PLCH1: variants seen among roughly 807,000 people sequenced by gnomAD.
PLCH1 encodes phospholipase C eta 1.
A neutral mutation model predicts 126.7 loss-of-function variants in PLCH1; 60 were observed. That is an observed-to-expected ratio of 0.47 (90% confidence interval 0.38 to 0.59). PLCH1 has a LOEUF of 0.59. Ranked by LOEUF, PLCH1 falls within the 20% of genes least tolerant of loss-of-function variation. The pLI is 0.00. For missense variants in PLCH1, 1,723 were observed against 2,040.0 expected (o/e 0.84, Z 2.99); for synonymous variants, 719 against 734.9 (o/e 0.98, Z 0.35).
chr3:155,454,013 T>G (rs2107966682), intron 21 of PLCH1, among the ~76,000 whole-genome samples: 1 of 152,026 alleles, frequency 6.6e-6, no homozygotes, highest in East Asian at 1.9e-4. Context: ...ATACAATAAT[T>G]AAATGGAAAG....
intron 8 of PLCH1, among the ~76,000 whole-genome samples, chr3:155,561,377 T>C (rs1727588527): frequency 6.6e-6 from 1 of 150,522 alleles, no homozygotes; most frequent in African/African-American, 2.4e-5. Flanking sequence ...AGTGAGAATA[T>C]GCGGAGTTTG....
chr3:155,554,579 G>T (rs537920146), intron 8 of PLCH1, among the ~76,000 whole-genome samples: 1 of 152,038 alleles, frequency 6.6e-6, no homozygotes, highest in Non-Finnish European at 1.5e-5. Context: ...GGTTATGAAG[G>T]TCTTTTAGAA....
At chr3:155,503,268 C>T (rs1207883201) in intron 13 of PLCH1, among the ~76,000 whole-genome samples, 1 of 152,124 alleles carries the variant, frequency 6.6e-6, no homozygotes, top group Non-Finnish European at 1.5e-5. Flanking sequence ...CTGATGTCTA[C>T]TCTATAGGGT....
At chr3:155,725,486 C>A (rs1447185488) in intron 1 of PLCH1, among the ~76,000 whole-genome samples, 1 of 144,624 alleles carries the variant, frequency 6.9e-6, no homozygotes, top group African/African-American at 2.6e-5. Flanking sequence ...CTCACTCTGT[C>A]CCCCAGGCTG....
intron 2 of PLCH1, among the ~76,000 whole-genome samples, chr3:155,634,043 A>G: frequency 6.6e-6 from 1 of 152,178 alleles, no homozygotes; most frequent in East Asian, 1.9e-4. Flanking sequence ...AACAGCATCA[A>G]TAACTAAGCC....
At chr3:155,469,166 G>A (rs548196863) in intron 21 of PLCH1, among the ~76,000 whole-genome samples, 13 of 152,292 alleles carry the variant, frequency 8.5e-5, no homozygotes, top group South Asian at 6.2e-4. Flanking sequence ...CTGAGGTACC[G>A]GGTTCATCTC....
intron 2 of PLCH1, among the ~76,000 whole-genome samples, chr3:155,605,614 C>T (rs1734257005): frequency 6.6e-6 from 1 of 152,174 alleles, no homozygotes; most frequent in Non-Finnish European, 1.5e-5. Flanking sequence ...CCCGAAAATG[C>T]CTGCTCTAGG....
chr3:155,532,266 A>C (rs1722800234), intron 10 of PLCH1, among the ~76,000 whole-genome samples: 1 of 152,242 alleles, frequency 6.6e-6, no homozygotes, highest in Non-Finnish European at 1.5e-5. Context: ...GAACTACTGC[A>C]GGAACATACC....
intron 21 of PLCH1, among the ~76,000 whole-genome samples, chr3:155,469,737 G>A (rs1297670391): frequency 6.6e-6 from 1 of 151,852 alleles, no homozygotes; most frequent in Non-Finnish European, 1.5e-5. Context: ...CTGAGAACGG[G>A]CAGACTGCCT....
chr3:155,564,914 C>T lies in PLCH1; in HGVS notation c.1069+1G>A. The T allele has an allele frequency of 5.6e-6, 9 of 1,609,832 alleles. No individual in the cohort carries two copies. Among genetic ancestry groups the T allele is most frequent in the Non-Finnish European group, 7.6e-6 (9 of 1,176,530 alleles). ...CCGGAGCTCAGAAAAAGTGCACGTA[C>T]CTTCCACACAGCGACAGCCCTCTTG... On this transcript the variant is annotated splice_donor_variant, in intron 8 of 22. Transcript: ENST00000460012. LOFTEE classifies it high-confidence loss of function.
chr3:155,708,448 G>T (rs1746851519), intron 1 of PLCH1, among the ~76,000 whole-genome samples: 1 of 152,138 alleles, frequency 6.6e-6, no homozygotes, highest in Non-Finnish European at 1.5e-5. Flanking sequence ...GGAAACTGAG[G>T]CCCAGAAAGG....
chr3:155,721,002 C>T lies in PLCH1; in HGVS notation c.-40-16738G>A, dbSNP rs116112935. 3.9e-3 allele frequency among the ~76,000 whole-genome samples: 594 copies of T among 152,122 alleles called. 2 individuals are homozygous for T. Among genetic ancestry groups the T allele is most frequent in the African/African-American group, 0.014 (562 of 41,520 alleles). On this transcript the variant is annotated intron_variant, in intron 1 of 22. Coordinates refer to ENST00000460012, the MANE Select transcript of PLCH1 (RefSeq NM_014996.4). ...GTGTCCTTTCCCCATGTTTTGTTTG[C>T]TTTGTTGAAGATCAGTTGGCTGTAT... is the stretch of plus-strand genomic sequence containing the variant.
intron 2 of PLCH1, among the ~76,000 whole-genome samples, chr3:155,604,741 G>A (rs1560234225): frequency 1.3e-5 from 2 of 152,086 alleles, no homozygotes; most frequent in Admixed American, 6.6e-5. Flanking sequence ...TGGCAAGTAG[G>A]GTCACCAGAG....
intron 12 of PLCH1, among the ~76,000 whole-genome samples, chr3:155,512,623 G>A (rs964948322): frequency 1.3e-5 from 2 of 152,180 alleles, no homozygotes; most frequent in Non-Finnish European, 2.9e-5. Flanking sequence ...AAAGCCATGT[G>A]GTAAGAGCAC....
At chr3:155,549,656 C>T in intron 10 of PLCH1, 131 bp downstream of exon 10, 1 of 651,822 alleles carries the variant, frequency 1.5e-6, no homozygotes, top group Non-Finnish European at 2.6e-6. Context: ...AAGGCGCATA[C>T]ATAGATCTAG....
chr3:155,712,509 T>A (rs1301004468), intron 1 of PLCH1, among the ~76,000 whole-genome samples: 2 of 151,964 alleles, frequency 1.3e-5, no homozygotes, highest in Non-Finnish European at 2.9e-5. Flanking sequence ...AGACAAATTA[T>A]CCCAGTTCAT....
intron 4 of PLCH1, among the ~76,000 whole-genome samples, chr3:155,586,730 C>T (rs547825262): frequency 6.6e-6 from 1 of 152,138 alleles, no homozygotes; most frequent in East Asian, 1.9e-4. Flanking sequence ...GGGGTGGTTC[C>T]CTCCATTGCG....
At position 155,586,087 on chromosome 3, in the gene PLCH1, C is replaced by A; in HGVS notation, c.578G>T (p.Arg193Ile). The change falls in exon 5 of 23, where the codon AGA becomes ATA. Residue 193 changes from arginine to isoleucine, a missense_variant. Coordinates refer to ENST00000460012, the MANE Select transcript of PLCH1 (RefSeq NM_014996.4). ...TACCTGAAACATTTGTCTGACTTTT[C>A]TTCGGGGCAGATTAACATTCAGTTT... ...MHKLNVNLPR[R>I]KVRQMFQEAD... The A allele has an allele frequency of 6.2e-7, 1 of 1,613,960 alleles. No homozygotes were observed. Among genetic ancestry groups the A allele is most frequent in the Non-Finnish European group, 8.5e-7 (1 of 1,179,922 alleles).
chr3:155,629,030 C>T (rs964102593), intron 2 of PLCH1, among the ~76,000 whole-genome samples: 1 of 152,182 alleles, frequency 6.6e-6, no homozygotes, highest in African/African-American at 2.4e-5. Flanking sequence ...TTCTCAGTCA[C>T]ATTACCTTCT....
Sources: allele counts gnomAD v4.1 joint callset (sites outside exome capture counted in the v4.1 genomes callset), GRCh38; gene constraint gnomAD v4.1.1; transcripts MANE v1.5; gene names NCBI Gene and HGNC (gene_info 2026-07-23, HGNC 2026-07-21).